Variants in MDGA2 observed in about 807,000 individuals in gnomAD.
MDGA2 encodes the protein MAM domain-containing glycosylphosphatidylinositol anchor protein 2.
In MDGA2, 40 loss-of-function variants were observed where a neutral mutation model predicts 117.8. The observed-to-expected ratio is 0.34, with a 90% CI of 0.26 to 0.44. The LOEUF (loss-of-function observed/expected upper bound fraction) is 0.44. MDGA2 is among the 20% of genes least tolerant of loss of function. MDGA2 has a pLI of 1.00. For synonymous variants in MDGA2, 452 were observed against 439.0 expected, an observed-to-expected ratio of 1.03 and a Z score of -0.37; for missense variants, 1,123 against 1,250.6, an observed-to-expected ratio of 0.90 and a Z score of 1.54.
At chr14:46,990,866 CCACACACACACA>C (rs201132208) in intron 8 of MDGA2, among the ~76,000 whole-genome samples, 20 of 140,894 alleles carry the variant, frequency 1.4e-4, no homozygotes, top group East Asian at 6.1e-4. Flanking sequence ...ACACACACAC[CCACACACACACA>C]CACACACACA....
intron 2 of MDGA2, among the ~76,000 whole-genome samples, chr14:47,254,054 T>C (rs557836889): frequency 3.0e-4 from 45 of 152,162 alleles, no homozygotes; most frequent in Non-Finnish European, 5.0e-4. Flanking sequence ...GGGCACCATG[T>C]CCTGAGGCTG....
intron 9 of MDGA2, among the ~76,000 whole-genome samples, chr14:46,955,467 C>T (rs910214670): frequency 3.9e-5 from 6 of 152,182 alleles, no homozygotes; most frequent in South Asian, 2.1e-4. Flanking sequence ...TTATCTTTAA[C>T]ATGGATAATA....
intron 1 of MDGA2, among the ~76,000 whole-genome samples, chr14:47,425,989 AC>A (rs1330600209): frequency 2.0e-5 from 3 of 151,900 alleles, no homozygotes; most frequent in African/African-American, 7.3e-5. Flanking sequence ...CCCATATCAA[AC>A]TTAGTTTCTT....
intron 3 of MDGA2, among the ~76,000 whole-genome samples, chr14:47,171,535 A>G (rs1769817572): frequency 1.3e-5 from 2 of 152,176 alleles, no homozygotes; most frequent in Admixed American, 1.3e-4. Flanking sequence ...GACACAAATC[A>G]ATGGGGGAGA....
chr14:47,396,867 A>C (rs1002543116), intron 1 of MDGA2, among the ~76,000 whole-genome samples: 9 of 152,170 alleles, frequency 5.9e-5, no homozygotes, highest in Non-Finnish European at 8.8e-5. Flanking sequence ...AGAAATAAGA[A>C]TGCTTTTACA....
At chr14:46,987,927 TGG>T (rs60295575) in intron 8 of MDGA2, among the ~76,000 whole-genome samples, 18,416 of 93,560 alleles carry the variant, frequency 0.2, 1,376 homozygotes, top group Non-Finnish European at 0.24. Context: ...TATTCTGGGG[TGG>T]GGGGGGGTGC....
In MDGA2 at chr14:46,841,556, T is replaced by G. The variant is rs1475703073; in HGVS notation, c.*375A>C. ...CCATGGTAACAAGCAAACTATTCAT[T>G]TGAAACAAAACCAGCCATGACTTTG... On this transcript the variant is annotated 3_prime_UTR_variant, in exon 17 of 17. Transcript: ENST00000399232. The G allele has an allele frequency of 1.3e-5, 2 of 155,954 alleles. No individual in the cohort carries two copies. Among genetic ancestry groups the G allele is most frequent in the Admixed American group, 1.3e-4 (2 of 15,366 alleles). The allele number at this position is 155,954 out of a possible 1,614,324, so 9.7% of individuals were successfully genotyped here.
chr14:47,138,167 G>A (rs917671033), intron 4 of MDGA2, among the ~76,000 whole-genome samples: 1 of 152,048 alleles, frequency 6.6e-6, no homozygotes, highest in African/African-American at 2.4e-5. Context: ...CTGTGATAAT[G>A]AGTATAATTT....
At chr14:47,450,468 T>C (rs577086527) in intron 1 of MDGA2, among the ~76,000 whole-genome samples, 35 of 152,192 alleles carry the variant, frequency 2.3e-4, no homozygotes, top group Non-Finnish European at 4.4e-4. Context: ...AGTGCTATAT[T>C]GACAATGACA....
chr14:47,222,804 C>A (rs72680238), intron 2 of MDGA2, among the ~76,000 whole-genome samples: 1,758 of 152,182 alleles, frequency 0.012, 33 homozygotes, highest in Non-Finnish European at 0.012. Context: ...TACATGGAAA[C>A]CTTTATTCAC....
chr14:47,173,149 C>T (rs1033700658), intron 3 of MDGA2, among the ~76,000 whole-genome samples: 12 of 152,014 alleles, frequency 7.9e-5, no homozygotes, highest in South Asian at 4.2e-4. Context: ...TGGGACTATA[C>T]GAAAAGACCA....
intron 1 of MDGA2, among the ~76,000 whole-genome samples, chr14:47,526,854 G>A (rs1336936184): frequency 2.0e-5 from 3 of 152,004 alleles, no homozygotes; most frequent in East Asian, 3.9e-4. Flanking sequence ...ACAGATTTTG[G>A]TAAGAAAAAA....
chr14:47,286,283 A>T (rs993754776), intron 2 of MDGA2, among the ~76,000 whole-genome samples: 1 of 152,008 alleles, frequency 6.6e-6, no homozygotes, highest in African/African-American at 2.4e-5. Context: ...TTTATTGTGA[A>T]CAATAGTCAC....
At chr14:46,859,445 T>A (rs559514704) in intron 14 of MDGA2, among the ~76,000 whole-genome samples, 1 of 152,194 alleles carries the variant, frequency 6.6e-6, no homozygotes, top group Non-Finnish European at 1.5e-5. Context: ...TTCTTTCTGT[T>A]ACCCTGACCC....
At chr14:47,186,436 T>C (rs759956945) in intron 3 of MDGA2, among the ~76,000 whole-genome samples, 1 of 151,876 alleles carries the variant, frequency 6.6e-6, no homozygotes, top group Non-Finnish European at 1.5e-5. Context: ...TAGTACTAAA[T>C]TATTTTCAAA....
chr14:47,651,471 G>A (rs1177743969), intron 1 of MDGA2, among the ~76,000 whole-genome samples: 1 of 152,074 alleles, frequency 6.6e-6, no homozygotes, highest in Admixed American at 6.6e-5. Context: ...AGTGGGCAGG[G>A]CCATATCTGG....
intron 9 of MDGA2, among the ~76,000 whole-genome samples, chr14:46,933,013 T>C (rs1884637798): frequency 1.3e-5 from 2 of 152,060 alleles, no homozygotes; most frequent in South Asian, 4.1e-4. Flanking sequence ...CAATACAATA[T>C]AATTTATGTT....
At chr14:47,478,930 C>T (rs1446125228) in intron 1 of MDGA2, among the ~76,000 whole-genome samples, 3 of 152,048 alleles carry the variant, frequency 2.0e-5, no homozygotes, top group Admixed American at 1.3e-4. Context: ...TTGGGCTTTT[C>T]GTGGGCAAGT....
At chr14:47,247,632 T>TATATTA (rs1555366422) in intron 2 of MDGA2, among the ~76,000 whole-genome samples, 1 of 146,126 alleles carries the variant, frequency 6.8e-6, no homozygotes, top group Non-Finnish European at 1.5e-5. Flanking sequence ...TCAGTACATA[T>TATATTA]TTATTATTAT....
Sources: allele counts gnomAD v4.1 joint callset (sites outside exome capture counted in the v4.1 genomes callset), GRCh38; gene constraint gnomAD v4.1.1; transcripts MANE v1.5; gene names NCBI Gene and HGNC (gene_info 2026-07-23, HGNC 2026-07-21).